The following MSL2 variants were observed in gnomAD, a reference collection of about 807,000 sequenced individuals.
MSL2 encodes MSL complex subunit 2.
In MSL2, 2 loss-of-function variants were observed where a neutral mutation model predicts 35.8. The ratio of observed to expected loss-of-function variants is 0.06; its 90% confidence interval spans 0.02 to 0.18. MSL2 has a LOEUF of 0.18. MSL2 is among the 10% of genes least tolerant of loss of function. The pLI is 1.00. For synonymous variants in MSL2, 296 were observed against 255.7 expected (o/e 1.16, Z -1.50); for missense variants, 523 against 706.7 (o/e 0.74, Z 2.95).
intron 1 of MSL2, among the ~76,000 whole-genome samples, chr3:136,178,776 G>C (rs1191494749): frequency 6.6e-6 from 1 of 151,608 alleles, no homozygotes; most frequent in African/African-American, 2.4e-5. Context: ...GACCTCAGGT[G>C]ATCCACCCAC....
At chr3:136,166,097 G>GA (rs1388905143) in intron 1 of MSL2, among the ~76,000 whole-genome samples, 2 of 124,812 alleles carry the variant, frequency 1.6e-5, no homozygotes, top group Non-Finnish European at 3.4e-5. Flanking sequence ...AGATTCAGGA[G>GA]AAAAAACTGG....
At chr3:136,187,952 G>A (rs1045969161) in intron 1 of MSL2, among the ~76,000 whole-genome samples, 7 of 151,916 alleles carry the variant, frequency 4.6e-5, no homozygotes, top group African/African-American at 1.2e-4. Flanking sequence ...TTAAAAAAAA[G>A]AAAGAAAGAA....
At position 136,195,314 on chromosome 3, in the gene MSL2, G is replaced by A; in HGVS notation, c.-201C>T. On this transcript the variant is annotated 5_prime_UTR_variant, in exon 1 of 2. The change creates a new upstream start codon in the 5' untranslated region. Transcript: ENST00000309993. ...ACACATGGGGCCTTGGCGCCCCTCC[G>A]TCCCTGAGACTTCCAGACCAAAAAT... 7.3e-7 allele frequency: 1 copy of A among 1,372,266 alleles called. No individual in the cohort carries two copies. The highest frequency in any genetic ancestry group is 9.4e-7 in the Non-Finnish European group (1 of 1,067,664). The allele number at this position is 1,372,266 out of a possible 1,614,324, so 85.0% of individuals were successfully genotyped here. A position where few individuals can be genotyped will look rare whatever the true frequency, so the allele number is the denominator to read the frequency against.
intron 1 of MSL2, among the ~76,000 whole-genome samples, chr3:136,154,276 T>C (rs1391088462): frequency 2.0e-5 from 3 of 152,242 alleles, no homozygotes; most frequent in East Asian, 3.9e-4. Context: ...CTGACAGATT[T>C]CAAAACGACC....
At chr3:136,169,714 A>C (rs1939965449) in intron 1 of MSL2, among the ~76,000 whole-genome samples, 1 of 151,772 alleles carries the variant, frequency 6.6e-6, no homozygotes, top group African/African-American at 2.4e-5. Flanking sequence ...CGGCCTCCCA[A>C]AGTGCTGGGA....
intron 1 of MSL2, among the ~76,000 whole-genome samples, chr3:136,180,002 T>A (rs529795569): frequency 6.6e-6 from 1 of 152,172 alleles, no homozygotes; most frequent in African/African-American, 2.4e-5. Context: ...GAGGCAGAGG[T>A]TGCAGTGAGC....
chr3:136,163,601 T>C (rs1319535671), intron 1 of MSL2, among the ~76,000 whole-genome samples: 1 of 152,226 alleles, frequency 6.6e-6, no homozygotes, highest in Non-Finnish European at 1.5e-5. Flanking sequence ...GGGGCAAACC[T>C]GAAGAGGTTC....
chr3:136,173,506 A>G (rs1035733162), intron 1 of MSL2, among the ~76,000 whole-genome samples: 8 of 151,684 alleles, frequency 5.3e-5, no homozygotes, highest in African/African-American at 1.9e-4. Context: ...AACCACCCAG[A>G]CTCTTCACCT....
chr3:136,158,519 A>G (rs566653658), intron 1 of MSL2, among the ~76,000 whole-genome samples: 31 of 152,180 alleles, frequency 2.0e-4, no homozygotes, highest in Admixed American at 1.1e-3. Context: ...ACTTAAAGGT[A>G]AAACACAACG....
chr3:136,191,492 T>C (rs1303174260), intron 1 of MSL2, among the ~76,000 whole-genome samples: 1 of 149,016 alleles, frequency 6.7e-6, no homozygotes, highest in Non-Finnish European at 1.5e-5. Flanking sequence ...AAAAGTCTTT[T>C]CAGGCCAGGA....
At chr3:136,180,558 G>A (rs1210268919) in intron 1 of MSL2, among the ~76,000 whole-genome samples, 1 of 151,068 alleles carries the variant, frequency 6.6e-6, no homozygotes, top group Non-Finnish European at 1.5e-5. Context: ...AAATTAGCCG[G>A]GCACGGAGGC....
At chr3:136,172,187 T>C (rs909710355) in intron 1 of MSL2, among the ~76,000 whole-genome samples, 2 of 152,194 alleles carry the variant, frequency 1.3e-5, no homozygotes, top group African/African-American at 4.8e-5. Flanking sequence ...ATGTCAATTT[T>C]TTCATGCTTC....
chr3:136,156,430 A>C (rs1206910123), intron 1 of MSL2, among the ~76,000 whole-genome samples: 1 of 152,174 alleles, frequency 6.6e-6, no homozygotes, highest in Non-Finnish European at 1.5e-5. Context: ...TAAAAGGCTA[A>C]ATGGAAAGGC....
At chr3:136,166,418 A>C (rs764739936) in intron 1 of MSL2, among the ~76,000 whole-genome samples, 1 of 152,060 alleles carries the variant, frequency 6.6e-6, no homozygotes, top group South Asian at 2.1e-4. Context: ...GGCCCCAGAA[A>C]GGGGCTTTAA....
intron 1 of MSL2, among the ~76,000 whole-genome samples, chr3:136,168,785 A>T (rs553456102): frequency 6.6e-6 from 1 of 152,262 alleles, no homozygotes; most frequent in Admixed American, 6.5e-5. Context: ...AAAGTTTTTA[A>T]ATATTAAGTT....
chr3:136,185,280 T>C (rs1271391847), intron 1 of MSL2, among the ~76,000 whole-genome samples: 8 of 147,596 alleles, frequency 5.4e-5, no homozygotes, highest in Non-Finnish European at 3.0e-5. Flanking sequence ...TCAGCCCAAT[T>C]CAGCAAATTT....
Position 136,151,741 on chromosome 3 carries a change from A to C in MSL2, c.1140T>G (p.Ile380Met). The C allele has an allele frequency of 1.2e-6, 2 of 1,614,136 alleles. No homozygotes were observed. The highest frequency in any genetic ancestry group is 1.7e-6 in the Non-Finnish European group (2 of 1,180,034). Residue 380 changes from isoleucine (I) to methionine (M), a missense_variant, in exon 2 of 2, where the codon ATT becomes ATG. Ile to Met is a conservative substitution (Grantham distance 10). Transcript: ENST00000309993. The surrounding 1 kb of genome is among the most constrained non-coding windows in gnomAD (Gnocchi z 5.2). ...APVTVKRESK[I>M]SLQPIATVPN... ...GAACAGTTGCTATAGGTTGAAGAGA[A>C]ATTTTGCTCTCCCGTTTCACTGTCA...
chr3:136,172,141 A>AAATAAAGTCC lies in MSL2; in HGVS notation c.143-19413_143-19404dup, dbSNP rs200310688. ...ATTGAAATTTTCTATAAACGTGACA[A>AAATAAAGTCC]AATAAAGTCCAATGAAAGCTTGAAT... On this transcript the variant is annotated intron_variant, in intron 1 of 1. Coordinates refer to ENST00000309993, the MANE Select transcript of MSL2 (RefSeq NM_018133.4). Among the ~76,000 whole-genome samples, 904 of 152,278 alleles carry AAATAAAGTCC rather than the reference A, an allele frequency of 5.9e-3. 11 individuals are homozygous for AAATAAAGTCC. Among genetic ancestry groups the AAATAAAGTCC allele is most frequent in the African/African-American group, 0.021 (858 of 41,534 alleles).
At chr3:136,157,956 T>C (rs945966433) in intron 1 of MSL2, among the ~76,000 whole-genome samples, 1 of 152,164 alleles carries the variant, frequency 6.6e-6, no homozygotes, top group South Asian at 2.1e-4. Context: ...GAGAAAACAC[T>C]TCCCAACTCA....
Sources: allele counts gnomAD v4.1 joint callset (sites outside exome capture counted in the v4.1 genomes callset), GRCh38; gene constraint gnomAD v4.1.1; non-coding constraint Gnocchi (gnomAD v3.1); transcripts MANE v1.5; gene names NCBI Gene and HGNC (gene_info 2026-07-23, HGNC 2026-07-21).